The following BRD1 variants were observed in gnomAD, a reference collection of about 807,000 sequenced individuals.
The protein encoded by BRD1 is bromodomain containing 1.
A neutral mutation model predicts 107.7 loss-of-function variants in BRD1; 24 were observed. The ratio of observed to expected loss-of-function variants is 0.22; its 90% confidence interval spans 0.16 to 0.31. The LOEUF (loss-of-function observed/expected upper bound fraction) is 0.31. BRD1 is among the 10% of genes least tolerant of loss of function. The probability of loss-of-function intolerance (pLI) is 1.00; values close to 1 mark genes in which losing one functional copy is unlikely to be tolerated. For missense variants in BRD1, 1,279 were observed against 1,638.6 expected, an observed-to-expected ratio of 0.78 and a Z score of 3.79; for synonymous variants, 744 against 686.1, an observed-to-expected ratio of 1.08 and a Z score of -1.32.
In BRD1 at chr22:49,824,958, G is replaced by A. The variant is rs1038979754; in HGVS notation, c.-14-627C>T. Among the ~76,000 whole-genome samples, 3 of 152,086 alleles carry A rather than the reference G, an allele frequency of 2.0e-5. No homozygotes were observed. The highest frequency in any genetic ancestry group is 4.4e-5 in the Non-Finnish European group (3 of 68,008). The stretch of plus-strand genomic sequence containing the variant: ...TCCTCTATAGACAGGCCCTCCACAC[G>A]CACAACACGGCACAGGGGACCAACA... On this transcript the variant is annotated intron_variant, in intron 1 of 12. Transcript: ENST00000404760. This position sits in a 1 kb window ranked among gnomAD's most constrained non-coding sequence, Gnocchi z 5.9.
intron 6 of BRD1, among the ~76,000 whole-genome samples, chr22:49,795,235 C>T (rs997881538): frequency 2.0e-5 from 3 of 152,138 alleles, no homozygotes; most frequent in Non-Finnish European, 2.9e-5. Context: ...AAGAAAGCCT[C>T]GAAACGTCTG....
chr22:49,811,861 T>C (rs533414225), intron 2 of BRD1, among the ~76,000 whole-genome samples: 5 of 152,332 alleles, frequency 3.3e-5, no homozygotes, highest in Admixed American at 2.6e-4. Context: ...TCCCAATTCC[T>C]AGGCTATGGG....
At chr22:49,818,357 C>T in intron 2 of BRD1, 2 of 1,233,370 alleles carry the variant, frequency 1.6e-6, no homozygotes, top group Non-Finnish European at 2.1e-6. Flanking sequence ...TCTTTTAAGA[C>T]ACTTTCTACT....
At chr22:49,779,454 C>T (rs964724991) in intron 8 of BRD1, among the ~76,000 whole-genome samples, 1 of 152,240 alleles carries the variant, frequency 6.6e-6, no homozygotes, top group African/African-American at 2.4e-5. Context: ...TCAAGTCAGA[C>T]ACCGGCTCCG....
At chr22:49,805,145 GCTCA>G (rs1178718665) in intron 2 of BRD1, among the ~76,000 whole-genome samples, 1 of 152,184 alleles carries the variant, frequency 6.6e-6, no homozygotes, top group Non-Finnish European at 1.5e-5. Context: ...GTTTTACCGT[GCTCA>G]CTAAAATGAC....
chr22:49,779,994 G>T (rs1238942839), intron 8 of BRD1, among the ~76,000 whole-genome samples: 1 of 152,138 alleles, frequency 6.6e-6, no homozygotes, highest in Non-Finnish European at 1.5e-5. Context: ...CCCAGGTGCA[G>T]GGTGAGCCTG....
At chr22:49,776,823 T>A (rs1236447542) in intron 10 of BRD1, among the ~76,000 whole-genome samples, 3 of 152,034 alleles carry the variant, frequency 2.0e-5, no homozygotes, top group Non-Finnish European at 2.9e-5. Flanking sequence ...GAAGGCAGGA[T>A]GGAGGAGGCG....
chr22:49,805,657 G>A (rs2059728861), intron 2 of BRD1: 1 of 152,832 alleles, frequency 6.5e-6, no homozygotes, highest in Non-Finnish European at 1.5e-5. Context: ...GCTGTTTTGG[G>A]AGCAGTCTGT....
At position 49,773,445 on chromosome 22, in the gene BRD1, A is replaced by G. The variant is rs1248702585; in HGVS notation, c.*788T>C. 2 of 152,622 alleles carry G rather than the reference A, an allele frequency of 1.3e-5. No individual in the cohort carries two copies. The highest frequency in any genetic ancestry group is 2.9e-5 in the Non-Finnish European group (2 of 68,050). The allele number at this position is 152,622 out of a possible 1,614,324, so 9.5% of individuals were successfully genotyped here. ...TGTATCCAAAGTTTCTATTGCTACC[A>G]AAGTGTTCTAAATTAAAACAAGTTA... is the stretch of plus-strand genomic sequence containing the variant. On this transcript the variant is annotated 3_prime_UTR_variant, in exon 13 of 13. Transcript: ENST00000404760.
rs372135589 is a variant in BRD1, at chr22:49,804,862, T to TA, written c.1368-503dup. Among the ~76,000 whole-genome samples the TA allele has an allele frequency of 4.0e-3, 596 of 149,060 alleles. 2 individuals carry two copies. Among genetic ancestry groups the TA allele is most frequent in the African/African-American group, 0.013 (533 of 40,750 alleles). On this transcript the variant is annotated intron_variant, in intron 2 of 12. Coordinates refer to ENST00000404760, the MANE Select transcript of BRD1 (RefSeq NM_001304808.3). ...CGAGATTCTGACTCAAAAATAAAAT[T>TA]AAAAAAAAAAGATTTCATCCACTTC...
chr22:49,793,887 C>A (rs1006816550), intron 7 of BRD1, 147 bp downstream of exon 7: 11 of 1,116,522 alleles, frequency 9.9e-6, no homozygotes, highest in African/African-American at 1.6e-5. Flanking sequence ...TCAAGTGTTC[C>A]GGGATTTGTG....
At chr22:49,775,437 C>T in intron 12 of BRD1, 154 bp downstream of exon 12, 3 of 729,508 alleles carry the variant, frequency 4.1e-6, no homozygotes, top group Non-Finnish European at 3.9e-6. Context: ...TGCCCTTCTC[C>T]ACCAGGCAAA....
intron 8 of BRD1, 92 bp downstream of exon 8, chr22:49,787,298 C>CGGGGGGGGGGGG: frequency 9.9e-7 from 1 of 1,011,270 alleles, no homozygotes; most frequent in African/African-American, 2.1e-5. Context: ...AGAAGCTGGA[C>CGGGGGGGGGGGG]ACCCCCCCCC....
chr22:49,819,036 T>TTGCTTGA (rs2060011410), intron 2 of BRD1, among the ~76,000 whole-genome samples: 1 of 150,988 alleles, frequency 6.6e-6, no homozygotes, highest in Admixed American at 6.6e-5. Flanking sequence ...GGCAGGCAGA[T>TTGCTTGA]CACCTGAAGT....
intron 8 of BRD1, among the ~76,000 whole-genome samples, chr22:49,786,879 G>A (rs2059335510): frequency 6.6e-6 from 1 of 152,048 alleles, no homozygotes; most frequent in Admixed American, 6.5e-5. Context: ...GGGAGTCAGA[G>A]GCCAGGAGTT....
Position 49,798,759 on chromosome 22 carries a change from C to A in BRD1, c.1657-73G>T, listed in dbSNP as rs2059585058. 5 of 1,473,810 alleles carry A rather than the reference C, an allele frequency of 3.4e-6. No homozygotes were observed. In the East Asian group the frequency reaches 9.9e-5, roughly 29 times the overall value. 91.3% of individuals were successfully genotyped at this position (1,473,810 alleles called of 1,614,324 possible). ...CTCAGCCCCACCACGCGCCCCACAG[C>A]CACAAGCAGCCCCCACAGGCTCCTG... On this transcript the variant is annotated intron_variant, in intron 4 of 12. Coordinates refer to ENST00000404760, the MANE Select transcript of BRD1 (RefSeq NM_001304808.3).
intron 8 of BRD1, among the ~76,000 whole-genome samples, chr22:49,781,689 G>A (rs1468750891): frequency 6.6e-6 from 1 of 152,268 alleles, no homozygotes; most frequent in Non-Finnish European, 1.5e-5. Context: ...AAGCAGGTGG[G>A]CTGAGCCTGC....
intron 2 of BRD1, among the ~76,000 whole-genome samples, chr22:49,811,255 G>A (rs1369662115): frequency 6.6e-6 from 1 of 152,208 alleles, no homozygotes; most frequent in African/African-American, 2.4e-5. Context: ...GGATGAGAAG[G>A]TGGGAAGTTG....
rs767122306 is a variant in BRD1, at chr22:49,774,308, G to A, written c.3495C>T (p.Ile1165=). 59 of 1,614,094 alleles carry A rather than the reference G, an allele frequency of 3.7e-5. No homozygotes were observed. Among genetic ancestry groups the A allele is most frequent in the Middle Eastern group, 1.6e-4 (1 of 6,084 alleles). ...GGTGGTTCATGGCGCGGTCAAAAGCGATCCGCACGGCCTTCCGGATGCTGG... is the reference window on the plus strand; with the variant it reads ...GGTGGTTCATGGCGCGGTCAAAAGCAATCCGCACGGCCTTCCGGATGCTGG... ...RNSSIRKAVR[I]AFDRAMNHLS... is the part of the protein sequence containing the mutation. Residue 1165 remains isoleucine, a synonymous_variant, in exon 13 of 13, where the codon ATC becomes ATT. Coordinates refer to ENST00000404760, the MANE Select transcript of BRD1 (RefSeq NM_001304808.3).
Sources: allele counts gnomAD v4.1 joint callset (sites outside exome capture counted in the v4.1 genomes callset), GRCh38; gene constraint gnomAD v4.1.1; non-coding constraint Gnocchi (gnomAD v3.1); transcripts MANE v1.5; gene names NCBI Gene and HGNC (gene_info 2026-07-23, HGNC 2026-07-21).